The following DERA variants were observed in gnomAD, a reference collection of about 807,000 sequenced individuals.
The protein encoded by DERA is 2-deoxy-D-ribose 5-phosphate aldolase.
Under a neutral mutation model 41.1 loss-of-function variants are expected in DERA, and 15 were observed. That is an observed-to-expected ratio of 0.37 (90% CI 0.24 to 0.56). DERA has a LOEUF of 0.56. DERA is among the 20% of genes least tolerant of loss of function. The pLI, the probability that DERA is intolerant of heterozygous loss-of-function variation, is 0.81. For missense variants in DERA, 396 were observed against 403.4 expected (o/e 0.98, Z 0.16); for synonymous variants, 139 against 137.4 (o/e 1.01, Z -0.08).
rs1273971944 is a variant in DERA, at chr12:16,026,123, A to T, written c.638-6419A>T. ...AAGTCAATATGCAAGCTTTCATCTT[A>T]GGAAAGTAGAAAAAGAAGAGCAATT... On this transcript the variant is annotated intron_variant, in intron 6 of 8. Transcript: ENST00000428559. The surrounding 1 kb of genome is among the most constrained non-coding windows in gnomAD (Gnocchi z 4.4). Among the ~76,000 whole-genome samples the T allele has an allele frequency of 6.6e-6, 1 of 152,138 alleles. No individual in the cohort carries two copies. The highest frequency in any genetic ancestry group is 1.5e-5 in the Non-Finnish European group (1 of 67,956).
chr12:16,003,651 A>T lies in DERA; in HGVS notation c.637+21215A>T, dbSNP rs1382022471. 6.6e-6 allele frequency among the ~76,000 whole-genome samples: 1 copy of T among 152,150 alleles called. No individual in the cohort carries two copies. The highest frequency in any genetic ancestry group is 1.9e-4 in the East Asian group (1 of 5,192). ...AAGTAGACTGCAGGGTTGATGTAAG[A>T]AAAACAGGTGAGTTTGCATTTGTTG... On this transcript the variant is annotated intron_variant, in intron 6 of 8. Coordinates refer to ENST00000428559, the MANE Select transcript of DERA (RefSeq NM_015954.4). This position sits in a 1 kb window ranked among gnomAD's most constrained non-coding sequence, Gnocchi z 4.8.
Position 16,013,092 on chromosome 12 carries a change from C to T in DERA, c.638-19450C>T, listed in dbSNP as rs1948957451. 6.6e-6 allele frequency among the ~76,000 whole-genome samples: 1 copy of T among 152,040 alleles called. No individual in the cohort carries two copies. The highest frequency in any genetic ancestry group is 6.6e-5 in the Admixed American group (1 of 15,264). On this transcript the variant is annotated intron_variant, in intron 6 of 8. Coordinates refer to ENST00000428559, the MANE Select transcript of DERA (RefSeq NM_015954.4). This position sits in a 1 kb window ranked among gnomAD's most constrained non-coding sequence, Gnocchi z 5.8. ...TCCCAGTTGGCATCATTGAGCTGGT[C>T]CTAAAAGGTCCTTTAACCAGAATTC...
Position 15,992,051 on chromosome 12 carries a change from A to T in DERA, c.637+9615A>T, listed in dbSNP as rs1948805676. On this transcript the variant is annotated intron_variant, in intron 6 of 8. Transcript: ENST00000428559. This position sits in a 1 kb window ranked among gnomAD's most constrained non-coding sequence, Gnocchi z 4.3. The stretch of plus-strand genomic sequence containing the variant: ...GCATTTGTAACATAGTATCAGCATC[A>T]ACTGTTTTACCTGTTAGATTTTTTT... Among the ~76,000 whole-genome samples the T allele has an allele frequency of 1.3e-5, 2 of 151,010 alleles. No individual in the cohort carries two copies. The highest frequency in any genetic ancestry group is 4.2e-4 in the South Asian group (2 of 4,798).
rs1263187718 is a variant in DERA, at chr12:16,037,255, A to G, written c.*509A>G. The G allele has an allele frequency of 3.3e-5, 5 of 152,236 alleles. No homozygotes were observed. Among genetic ancestry groups the G allele is most frequent in the African/African-American group, 1.2e-4 (5 of 41,452 alleles). 9.4% of individuals were successfully genotyped at this position (152,236 alleles called of 1,614,324 possible). A position where few individuals can be genotyped will look rare whatever the true frequency, so the allele number is the denominator to read the frequency against. On this transcript the variant is annotated 3_prime_UTR_variant, in exon 9 of 9. Coordinates refer to ENST00000428559, the MANE Select transcript of DERA (RefSeq NM_015954.4). The surrounding 1 kb of genome is among the most constrained non-coding windows in gnomAD (Gnocchi z 6.7). The stretch of plus-strand genomic sequence containing the variant: ...ATTTCTGACATTGTCATATACAACG[A>G]TGAATATCATTAAAATTTTTAAAAT...
chr12:16,034,848 C>G (rs1019651442), intron 7 of DERA, among the ~76,000 whole-genome samples: 1 of 152,108 alleles, frequency 6.6e-6, no homozygotes, highest in African/African-American at 2.4e-5. Context: ...GTAAGAAGCA[C>G]TGCCTAATTG....
rs1949009493 is a variant in DERA, at chr12:16,020,255, A to G, written c.638-12287A>G. ...AGTCATGGTGGAAGAGGAAGCAGGCATGTCTTAAATGGCTGGAGCAGGAAG... is the reference window on the plus strand; with the variant it reads ...AGTCATGGTGGAAGAGGAAGCAGGCGTGTCTTAAATGGCTGGAGCAGGAAG... On this transcript the variant is annotated intron_variant, in intron 6 of 8. Coordinates refer to ENST00000428559, the MANE Select transcript of DERA (RefSeq NM_015954.4). This position sits in a 1 kb window ranked among gnomAD's most constrained non-coding sequence, Gnocchi z 5.5. Among the ~76,000 whole-genome samples, 1 of 152,208 alleles carries G rather than the reference A, an allele frequency of 6.6e-6. No individual in the cohort carries two copies. Among genetic ancestry groups the G allele is most frequent in the South Asian group, 2.1e-4 (1 of 4,832 alleles).
intron 6 of DERA, among the ~76,000 whole-genome samples, chr12:16,022,621 A>G (rs534195968): frequency 6.6e-5 from 10 of 152,304 alleles, no homozygotes; most frequent in African/African-American, 2.4e-4. Context: ...AGAGCAAGAA[A>G]AAGCAGAATT....
rs1046190637 is a variant in DERA, at chr12:16,000,916, C to T, written c.637+18480C>T. ...AATTAAAAAGCAGGTTTTGTTCTGC[C>T]TTTTTCTGCATTCTTGTTTTACAGT... On this transcript the variant is annotated intron_variant, in intron 6 of 8. Coordinates refer to ENST00000428559, the MANE Select transcript of DERA (RefSeq NM_015954.4). This position sits in a 1 kb window ranked among gnomAD's most constrained non-coding sequence, Gnocchi z 4.8. Among the ~76,000 whole-genome samples the T allele has an allele frequency of 9.9e-5, 15 of 151,926 alleles. No individual in the cohort carries two copies. Among genetic ancestry groups the T allele is most frequent in the Non-Finnish European group, 1.6e-4 (11 of 67,994 alleles).
rs1404144941 is a variant in DERA, at chr12:16,012,050, A to G, written c.638-20492A>G. ...GCATAACTAAGTCAGTGTTTCCTCA[A>G]AAGGGGCAGAGTTTGGTAAAGAAAA... On this transcript the variant is annotated intron_variant, in intron 6 of 8. Coordinates refer to ENST00000428559, the MANE Select transcript of DERA (RefSeq NM_015954.4). The surrounding 1 kb of genome is among the most constrained non-coding windows in gnomAD (Gnocchi z 4.1). Among the ~76,000 whole-genome samples, 1 of 152,240 alleles carries G rather than the reference A, an allele frequency of 6.6e-6. No homozygotes were observed. The highest frequency in any genetic ancestry group is 1.5e-5 in the Non-Finnish European group (1 of 68,040).
chr12:16,018,041 A>G (rs190133664), intron 6 of DERA, among the ~76,000 whole-genome samples: 80 of 152,306 alleles, frequency 5.3e-4, no homozygotes, highest in African/African-American at 1.9e-3. Flanking sequence ...GTAACTTCCT[A>G]TAACATAAAT....
Position 15,954,515 on chromosome 12 carries a change from G to A in DERA, c.32-2421G>A, listed in dbSNP as rs1229941644. On this transcript the variant is annotated intron_variant, in intron 1 of 8. Coordinates refer to ENST00000428559, the MANE Select transcript of DERA (RefSeq NM_015954.4). This position sits in a 1 kb window ranked among gnomAD's most constrained non-coding sequence, Gnocchi z 4.0. ...AAGGATGAGCAGCAGTTCACTGTTC[G>A]CAAAGCAGGGAGGGCATTCTTGGTA... is the stretch of plus-strand genomic sequence containing the variant. Among the ~76,000 whole-genome samples the A allele has an allele frequency of 3.3e-5, 5 of 152,180 alleles. No individual in the cohort carries two copies. Among genetic ancestry groups the A allele is most frequent in the South Asian group, 4.1e-4 (2 of 4,832 alleles).
Position 15,954,194 on chromosome 12 carries a change from C to G in DERA, c.32-2742C>G, listed in dbSNP as rs932953393. On this transcript the variant is annotated intron_variant, in intron 1 of 8. Transcript: ENST00000428559. This position sits in a 1 kb window ranked among gnomAD's most constrained non-coding sequence, Gnocchi z 4.0. ...ATTTTCTTGTAGAGATCCAAAAGCCCTTTCTAGTCTGAAGCAGTGGAGAAA... is the reference window on the plus strand; with the variant it reads ...ATTTTCTTGTAGAGATCCAAAAGCCGTTTCTAGTCTGAAGCAGTGGAGAAA... 2.0e-5 allele frequency among the ~76,000 whole-genome samples: 3 copies of G among 152,200 alleles called. No individual in the cohort carries two copies. The highest frequency in any genetic ancestry group is 7.2e-5 in the African/African-American group (3 of 41,446).
At chr12:15,937,080 G>C (rs1021701630) in intron 1 of DERA, among the ~76,000 whole-genome samples, 2 of 152,046 alleles carry the variant, frequency 1.3e-5, no homozygotes, top group African/African-American at 4.8e-5. Context: ...TCAGCCTCCT[G>C]TATAGCTGGG....
chr12:15,913,282 G>T lies in DERA; in HGVS notation c.31+1868G>T, dbSNP rs1251074799. 6.6e-6 allele frequency among the ~76,000 whole-genome samples: 1 copy of T among 152,140 alleles called. No homozygotes were observed. Among genetic ancestry groups the T allele is most frequent in the African/African-American group, 2.4e-5 (1 of 41,424 alleles). ...TTATGCAGCTATCGAAATGATCATAGCTTTGTATTTATTATCTTATTTGTT... is the reference window on the plus strand; with the variant it reads ...TTATGCAGCTATCGAAATGATCATATCTTTGTATTTATTATCTTATTTGTT... On this transcript the variant is annotated intron_variant, in intron 1 of 8. Coordinates refer to ENST00000428559, the MANE Select transcript of DERA (RefSeq NM_015954.4). The surrounding 1 kb of genome is among the most constrained non-coding windows in gnomAD (Gnocchi z 4.5).
At chr12:15,937,296 T>G (rs1948375513) in intron 1 of DERA, among the ~76,000 whole-genome samples, 1 of 152,178 alleles carries the variant, frequency 6.6e-6, no homozygotes, top group African/African-American at 2.4e-5. Context: ...AAAACTTGAT[T>G]CGATTCAGAT....
chr12:16,007,864 G>A (rs1331763310), intron 6 of DERA, among the ~76,000 whole-genome samples: 5 of 151,752 alleles, frequency 3.3e-5, no homozygotes, highest in Non-Finnish European at 7.4e-5. Flanking sequence ...GTTTTGTTTT[G>A]TTTTGTGACA....
At position 16,000,798 on chromosome 12, in the gene DERA, T is replaced by A. The variant is rs1948869798; in HGVS notation, c.637+18362T>A. On this transcript the variant is annotated intron_variant, in intron 6 of 8. Transcript: ENST00000428559. The surrounding 1 kb of genome is among the most constrained non-coding windows in gnomAD (Gnocchi z 4.8). ...TTTTTTAATAAAAAGAAAAAGCATA[T>A]ATGTTACCTCAGAGTCTGTAATGAT... Among the ~76,000 whole-genome samples, 2 of 152,172 alleles carry A rather than the reference T, an allele frequency of 1.3e-5. No homozygotes were observed.
rs982227752 is a variant in DERA at position 16,021,335 on chromosome 12, T to A, written c.638-11207T>A. On this transcript the variant is annotated intron_variant, in intron 6 of 8. Coordinates refer to ENST00000428559, the MANE Select transcript of DERA (RefSeq NM_015954.4). This position sits in a 1 kb window ranked among gnomAD's most constrained non-coding sequence, Gnocchi z 5.3. The stretch of plus-strand genomic sequence containing the variant: ...CAGCTCAGGCTGCTGCTGTGGAGAG[T>A]ACAAGTTGTAAGCCTTGCTGGTTTC... 1.3e-5 allele frequency among the ~76,000 whole-genome samples: 2 copies of A among 152,104 alleles called. No individual in the cohort carries two copies. The highest frequency in any genetic ancestry group is 4.8e-5 in the African/African-American group (2 of 41,412).
intron 1 of DERA, among the ~76,000 whole-genome samples, chr12:15,916,961 T>C (rs1488700920): frequency 6.6e-6 from 1 of 152,206 alleles, no homozygotes; most frequent in Non-Finnish European, 1.5e-5. Context: ...AAGTATTTGA[T>C]AATTTTGTTA....
Sources: gnomAD v4.1 joint callset for allele counts (sites outside exome capture counted in the v4.1 genomes callset) on GRCh38, gnomAD v4.1.1 for gene constraint, Gnocchi (gnomAD v3.1) non-coding constraint, MANE v1.5 for transcripts, NCBI Gene and HGNC (gene_info 2026-07-23, HGNC 2026-07-21) for gene names.